Variants in FAM107B observed in about 807,000 individuals in gnomAD.
FAM107B encodes family with sequence similarity 107 member B.
A neutral mutation model predicts 31.5 loss-of-function variants in FAM107B; 21 were observed. That is an observed-to-expected ratio of 0.67 (90% CI 0.47 to 0.96). The LOEUF (loss-of-function observed/expected upper bound fraction) is 0.96, where lower values mean the gene tolerates loss of function less well. FAM107B is among the 40% of genes least tolerant of loss of function. FAM107B has a pLI of 0.00. For missense variants in FAM107B, 452 were observed against 377.1 expected (o/e 1.20, Z -1.64); for synonymous variants, 157 against 141.5 (o/e 1.11, Z -0.78).
intron 2 of FAM107B, chr10:14,554,337 T>A: frequency 5.9e-6 from 1 of 169,070 alleles, no homozygotes; most frequent in Non-Finnish European, 1.2e-5. Flanking sequence ...GTGCTAGCAT[T>A]GCTCAGACAG....
intron 1 of FAM107B, among the ~76,000 whole-genome samples, chr10:14,702,116 A>G (rs1237641331): frequency 6.6e-6 from 1 of 152,276 alleles, no homozygotes; most frequent in South Asian, 2.1e-4. Context: ...AATTTGTTCC[A>G]CAAACGAGTG....
chr10:14,530,889 C>T (rs1564529791), intron 2 of FAM107B, among the ~76,000 whole-genome samples: 1 of 152,212 alleles, frequency 6.6e-6, no homozygotes, highest in African/African-American at 2.4e-5. Flanking sequence ...AAAATTGGAA[C>T]ACTGGCCCAC....
chr10:14,708,137 G>A (rs1041217290), intron 1 of FAM107B, among the ~76,000 whole-genome samples: 1 of 151,900 alleles, frequency 6.6e-6, no homozygotes. Flanking sequence ...TAGTGAAGTG[G>A]CACAATCTCG....
intron 2 of FAM107B, among the ~76,000 whole-genome samples, chr10:14,665,938 C>A (rs1854393510): frequency 6.6e-6 from 1 of 152,106 alleles, no homozygotes; most frequent in African/African-American, 2.4e-5. Flanking sequence ...TCTAAAATAG[C>A]ATAGTGTTGG....
intron 1 of FAM107B, among the ~76,000 whole-genome samples, chr10:14,698,438 C>T (rs568688280): frequency 1.3e-5 from 2 of 152,334 alleles, no homozygotes; most frequent in East Asian, 3.9e-4. Flanking sequence ...TTTTGGAAAC[C>T]ATTTGCAAAC....
At chr10:14,586,146 G>A (rs1460146184) in intron 2 of FAM107B, among the ~76,000 whole-genome samples, 1 of 152,072 alleles carries the variant, frequency 6.6e-6, no homozygotes, top group Non-Finnish European at 1.5e-5. Flanking sequence ...CTCCTGACCC[G>A]AATTCCTCAT....
intron 2 of FAM107B, among the ~76,000 whole-genome samples, chr10:14,639,501 C>T (rs1213504297): frequency 6.6e-6 from 1 of 152,182 alleles, no homozygotes; most frequent in Non-Finnish European, 1.5e-5. Flanking sequence ...AAATAAGTGA[C>T]ATGGGGCTGG....
intron 2 of FAM107B, among the ~76,000 whole-genome samples, chr10:14,569,789 C>G (rs866481039): frequency 1.3e-5 from 2 of 152,144 alleles, no homozygotes; most frequent in Non-Finnish European, 2.9e-5. Context: ...AATGCAAGGC[C>G]GTGCTTCCCC....
At position 14,738,343 on chromosome 10, in the gene FAM107B, T is replaced by A. The variant is rs140548389; in HGVS notation, c.411+35910A>T. Among the ~76,000 whole-genome samples, 8 of 152,300 alleles carry A rather than the reference T, an allele frequency of 5.3e-5. No homozygotes were observed. The East Asian group carries it at 1.5e-3, about 29-fold the overall frequency. ...GTAGTTCAGAGAAAACGAGGCACTA[T>A]CTAGGTCACCACTGAGCTCACCCAC... On this transcript the variant is annotated intron_variant, in intron 1 of 4. Coordinates refer to ENST00000181796, the MANE Select transcript of FAM107B (RefSeq NM_031453.4).
chr10:14,772,362 A>AAAATATAT (rs10651238), intron 1 of FAM107B, among the ~76,000 whole-genome samples: 13 of 145,638 alleles, frequency 8.9e-5, no homozygotes, highest in African/African-American at 2.3e-4. Context: ...TTAAAAAAAA[A>AAAATATAT]ATATATATAT....
chr10:14,573,599 C>T (rs1308472561), intron 2 of FAM107B, among the ~76,000 whole-genome samples: 1 of 134,762 alleles, frequency 7.4e-6, no homozygotes, highest in African/African-American at 2.6e-5. Context: ...AAAAAATTAG[C>T]AGGACATGGT....
intron 2 of FAM107B, among the ~76,000 whole-genome samples, chr10:14,577,879 T>C (rs189229494): frequency 0.011 from 1,645 of 152,318 alleles, 12 homozygotes; most frequent in Middle Eastern, 0.017. Context: ...ACAGTTAATA[T>C]TTCTGTAACT....
At chr10:14,669,889 C>T (rs926110892) in intron 1 of FAM107B, among the ~76,000 whole-genome samples, 5 of 152,144 alleles carry the variant, frequency 3.3e-5, no homozygotes, top group Admixed American at 2.6e-4. Context: ...CAGTTAACAA[C>T]AATGTATTGC....
At chr10:14,539,639 T>C (rs555793963) in intron 2 of FAM107B, among the ~76,000 whole-genome samples, 3 of 152,110 alleles carry the variant, frequency 2.0e-5, no homozygotes, top group African/African-American at 4.8e-5. Context: ...AGTCTCTAGA[T>C]AGAAGAAAAC....
chr10:14,543,494 A>G (rs7086584), intron 2 of FAM107B, among the ~76,000 whole-genome samples: 2,618 of 152,062 alleles, frequency 0.017, 83 homozygotes, highest in African/African-American at 0.06. Context: ...GGAGCAGTGC[A>G]GGAGGAGTTG....
At chr10:14,557,617 A>T (rs1849815364) in intron 2 of FAM107B, among the ~76,000 whole-genome samples, 1 of 152,226 alleles carries the variant, frequency 6.6e-6, no homozygotes, top group Non-Finnish European at 1.5e-5. Context: ...TTCCCAGGTA[A>T]TCCACAAAAA....
chr10:14,570,233 G>GGGGTGTGTGTGTGTGTGT (rs1554835078), intron 2 of FAM107B, among the ~76,000 whole-genome samples: 7 of 140,426 alleles, frequency 5.0e-5, no homozygotes, highest in South Asian at 2.2e-4. Context: ...AAATGTGGTG[G>GGGGTGTGTGTGTGTGTGT]GTGTGTGTGT....
chr10:14,683,858 C>A (rs1039766055), intron 1 of FAM107B, among the ~76,000 whole-genome samples: 3 of 152,206 alleles, frequency 2.0e-5, no homozygotes, highest in South Asian at 2.1e-4. Context: ...CCAGAGGCTA[C>A]ACATGCATGT....
chr10:14,561,861 T>C (rs112233763), intron 2 of FAM107B, among the ~76,000 whole-genome samples: 3 of 152,206 alleles, frequency 2.0e-5, no homozygotes, highest in African/African-American at 7.2e-5. Context: ...CTTGGCTTAC[T>C]GCAACCTCCG....
Sources: gnomAD v4.1 joint callset for allele counts (sites outside exome capture counted in the v4.1 genomes callset) on GRCh38, gnomAD v4.1.1 for gene constraint, MANE v1.5 for transcripts, NCBI Gene and HGNC (gene_info 2026-07-23, HGNC 2026-07-21) for gene names.